SALL3: variants seen among roughly 807,000 people sequenced by gnomAD.
SALL3 encodes sal-like protein 3.
In SALL3, 25 loss-of-function variants were observed where a neutral mutation model predicts 66.2. The observed-to-expected ratio is 0.38, with a 90% CI of 0.28 to 0.53. The LOEUF is 0.53. Ranked by LOEUF, SALL3 falls within the 20% of genes least tolerant of loss-of-function variation. SALL3 has a pLI of 0.85. For synonymous variants in SALL3, 1,152 were observed against 899.1 expected (o/e 1.28, Z -5.03); for missense variants, 2,194 against 1,916.5 (o/e 1.14, Z -2.70).
intron 1 of SALL3, among the ~76,000 whole-genome samples, chr18:78,982,254 C>T (rs1355841834): frequency 5.9e-5 from 9 of 152,122 alleles, no homozygotes; most frequent in Admixed American, 5.9e-4. Context: ...ACTTTGAATC[C>T]CTCTTGTTGC....
Position 78,992,735 on chromosome 18 carries a change from G to C in SALL3, c.744G>C (p.Pro248=), listed in dbSNP as rs545749239. The change falls in exon 2 of 3, where the codon CCG becomes CCC. Residue 248 remains proline, a synonymous_variant. Transcript: ENST00000537592. The part of the protein sequence containing the change: ...PRPSLSPAAA[P]SAPGPAPSQL... ...CCTCACTCAGCCCCGCGGCCGCCCC[G>C]AGCGCACCGGGCCCGGCCCCCAGCC... 6 of 1,337,200 alleles carry C rather than the reference G, an allele frequency of 4.5e-6. No individual in the cohort carries two copies. In the African/African-American group the frequency reaches 4.8e-5, roughly 11 times the overall value. The allele number at this position is 1,337,200 out of a possible 1,614,324, so 82.8% of individuals were successfully genotyped here. A position where few individuals can be genotyped will look rare whatever the true frequency, so the allele number is the denominator to read the frequency against.
At position 78,993,170 on chromosome 18, in the gene SALL3, C is replaced by G; in HGVS notation, c.1179C>G (p.Leu393=). 1 of 1,609,140 alleles carries G rather than the reference C, an allele frequency of 6.2e-7. No individual in the cohort carries two copies. The highest frequency in any genetic ancestry group is 1.3e-5 in the African/African-American group (1 of 74,982). The part of the protein sequence containing the change: ...TANALDPLSA[L]MKHRKGKPPN... ...ACGCTCTGGACCCGCTGTCCGCGCT[C>G]ATGAAGCACCGCAAGGGCAAGCCGC... The change falls in exon 2 of 3, where the codon CTC becomes CTG. Residue 393 remains leucine (L), a synonymous_variant. Coordinates refer to ENST00000537592, the MANE Select transcript of SALL3 (RefSeq NM_171999.4).
chr18:78,995,291 C>T lies in SALL3; in HGVS notation c.3300C>T (p.Pro1100=), dbSNP rs1171512010. 1.3e-6 allele frequency: 2 copies of T among 1,579,590 alleles called. No individual in the cohort carries two copies. The highest frequency in any genetic ancestry group is 1.3e-5 in the African/African-American group (1 of 74,702). The change falls in exon 2 of 3, where the codon CCC becomes CCT. Residue 1100 remains proline (P), a synonymous_variant. Coordinates refer to ENST00000537592, the MANE Select transcript of SALL3 (RefSeq NM_171999.4). ...PQTVMGPGLA[P]MLAPPPRRTP... The stretch of plus-strand genomic sequence containing the variant: ...CAGTGATGGGCCCGGGCCTGGCGCC[C>T]ATGCTGGCCCCCCCACCGCGCCGGA...
intron 1 of SALL3, chr18:78,991,611 C>T (rs566354626): frequency 6.0e-4 from 95 of 159,560 alleles, no homozygotes; most frequent in Middle Eastern, 5.8e-3. Context: ...TGGTGGGGAC[C>T]ACACCGGCCA....
At chr18:78,995,581 A>T in intron 2 of SALL3, 119 bp downstream of exon 2, 4 of 1,416,994 alleles carry the variant, frequency 2.8e-6, no homozygotes, top group Non-Finnish European at 3.7e-6. Flanking sequence ...CAGGGGGGTG[A>T]GATGCCACGC....
rs1227703138 is a variant in SALL3 at position 78,998,660 on chromosome 18, CT to C, written c.*1339del. The C allele has an allele frequency of 6.6e-6, 1 of 152,252 alleles. No homozygotes were observed. The highest frequency in any genetic ancestry group is 1.5e-5 in the Non-Finnish European group (1 of 68,056). 9.4% of individuals were successfully genotyped at this position (152,252 alleles called of 1,614,324 possible). A position where few individuals can be genotyped will look rare whatever the true frequency, so the allele number is the denominator to read the frequency against. On this transcript the variant is annotated 3_prime_UTR_variant, in exon 3 of 3. Coordinates refer to ENST00000537592, the MANE Select transcript of SALL3 (RefSeq NM_171999.4). ...CACCCACAGACAAGATTGTGGCTGC[CT>C]GGTGGCACTGGTCACATGTACAGTA... is the stretch of plus-strand genomic sequence containing the variant.
At position 78,994,690 on chromosome 18, in the gene SALL3, C is replaced by T. The variant is rs747578805; in HGVS notation, c.2699C>T (p.Ser900Leu). ...SAGSPALSESSSSQALSPAPS... is the reference protein window; with the variant it reads ...SAGSPALSESLSSQALSPAPS... ...GGCAGCCCCGCCCTGTCCGAGTCCTCGTCCTCGCAGGCCCTGTCGCCGGCC... is the reference window on the plus strand; with the variant it reads ...GGCAGCCCCGCCCTGTCCGAGTCCTTGTCCTCGCAGGCCCTGTCGCCGGCC... The change falls in exon 2 of 3, where the codon TCG becomes TTG. Residue 900 changes from serine to leucine, a missense_variant. Physicochemically the swap from Ser to Leu is moderately radical, Grantham distance 145. Coordinates refer to ENST00000537592, the MANE Select transcript of SALL3 (RefSeq NM_171999.4). 45 of 1,607,194 alleles carry T rather than the reference C, an allele frequency of 2.8e-5. No homozygotes were observed. Among genetic ancestry groups the T allele is most frequent in the Non-Finnish European group, 3.2e-5 (38 of 1,179,470 alleles).
chr18:78,995,467 G>C lies in SALL3; in HGVS notation c.3471+5G>C, dbSNP rs1240172178. The C allele has an allele frequency of 1.9e-6, 3 of 1,538,846 alleles. No individual in the cohort carries two copies. Among genetic ancestry groups the C allele is most frequent in the African/African-American group, 2.7e-5 (2 of 73,258 alleles). On this transcript the variant is annotated splice_donor_5th_base_variant and intron_variant, in intron 2 of 2. Transcript: ENST00000537592. Reference sequence around the variant, plus strand: ...ACCACTAAGGGCAACCTCAAGGTAAGAGCATGGCAGGCTCCAGCCCCGGCT... The same window carrying C: ...ACCACTAAGGGCAACCTCAAGGTAACAGCATGGCAGGCTCCAGCCCCGGCT...
At chr18:78,996,484 A>G (rs1445350419) in intron 2 of SALL3, among the ~76,000 whole-genome samples, 1 of 152,202 alleles carries the variant, frequency 6.6e-6, no homozygotes, top group Non-Finnish European at 1.5e-5. Flanking sequence ...GGAGAGGGGC[A>G]CAGTCAGAGA....
Position 78,994,399 on chromosome 18 carries a change from A to G in SALL3, c.2408A>G (p.Asn803Ser), listed in dbSNP as rs1436954119. Reference protein sequence around the residue: ...LSSYDDDMDENSMEDDAELKD... With the variant: ...LSSYDDDMDESSMEDDAELKD... ...AGCTACGATGACGACATGGACGAGA[A>G]CTCCATGGAGGACGACGCTGAGCTG... Residue 803 changes from asparagine (N) to serine (S), a missense_variant, in exon 2 of 3, where the codon AAC becomes AGC. Coordinates refer to ENST00000537592, the MANE Select transcript of SALL3 (RefSeq NM_171999.4). 1.9e-6 allele frequency: 3 copies of G among 1,612,756 alleles called. No individual in the cohort carries two copies. Among genetic ancestry groups the G allele is most frequent in the East Asian group, 2.2e-5 (1 of 44,866 alleles).
rs746799403 is a variant in SALL3, at chr18:78,997,077, A to G, written c.3658A>G (p.Thr1220Ala). Residue 1220 changes from threonine (T) to alanine (A), a missense_variant, in exon 3 of 3, where the codon ACT (threonine) becomes GCT (alanine). Physicochemically the swap from Thr to Ala is moderately conservative, Grantham distance 58 (BLOSUM62 0). Transcript: ENST00000537592. ...TTGGAACCAGTATGCTGCAGCCATCACTAACGGGCTCGCCATGAAGAACAA... is the reference window on the plus strand; with the variant it reads ...TTGGAACCAGTATGCTGCAGCCATCGCTAACGGGCTCGCCATGAAGAACAA... ...SFWNQYAAAI[T>A]NGLAMKNNEI... is the part of the protein sequence containing the mutation. 2 of 1,614,086 alleles carry G rather than the reference A, an allele frequency of 1.2e-6. No homozygotes were observed. Among genetic ancestry groups the G allele is most frequent in the Non-Finnish European group, 1.7e-6 (2 of 1,180,026 alleles).
At position 78,997,469 on chromosome 18, in the gene SALL3, G is replaced by A. The variant is rs539349413; in HGVS notation, c.*147G>A. On this transcript the variant is annotated 3_prime_UTR_variant, in exon 3 of 3. Transcript: ENST00000537592. ...GCTGCCGAGAGGTGGTCTTGTAAGCGCTGCATGGCGCTCCCTTCAACAGCA... is the reference window on the plus strand; with the variant it reads ...GCTGCCGAGAGGTGGTCTTGTAAGCACTGCATGGCGCTCCCTTCAACAGCA... The A allele has an allele frequency of 1.0e-5, 7 of 702,628 alleles. No individual in the cohort carries two copies. Among genetic ancestry groups the A allele is most frequent in the South Asian group, 1.8e-5 (1 of 54,198 alleles). The allele number at this position is 702,628 out of a possible 1,614,324, so 43.5% of individuals were successfully genotyped here.
rs200018433 is a variant in SALL3, at chr18:78,994,827, G to A, written c.2836G>A (p.Gly946Ser). Residue 946 changes from glycine to serine, a missense_variant, in exon 2 of 3, where the codon GGC (glycine) becomes AGC (serine). By Grantham distance (56) the Gly-to-Ser change is moderately conservative. Coordinates refer to ENST00000537592, the MANE Select transcript of SALL3 (RefSeq NM_171999.4). ...GCCGGACAGCCCAGCCGCCGCCCCG[G>A]GCAGCGGAGGCGCCCCTGGCCGCGC... ...ERPDSPAAAP[G>S]SGGAPGRAGI... 666 of 1,596,176 alleles carry A rather than the reference G, an allele frequency of 4.2e-4. 4 individuals carry two copies. Among genetic ancestry groups the A allele is most frequent in the South Asian group, 2.1e-3 (192 of 89,662 alleles).
Position 78,993,949 on chromosome 18 carries a change from T to C in SALL3, c.1958T>C (p.Leu653Pro). The C allele has an allele frequency of 6.2e-7, 1 of 1,610,810 alleles. No individual in the cohort carries two copies. The highest frequency in any genetic ancestry group is 8.5e-7 in the Non-Finnish European group (1 of 1,178,992). Reference protein sequence around the residue: ...FKAQFPFGGLLDSMQTSETSK... With the variant: ...FKAQFPFGGLPDSMQTSETSK... ...GCCCAGTTTCCGTTCGGGGGGCTGCTAGACTCGATGCAAACGTCGGAAACC... is the reference window on the plus strand; with the variant it reads ...GCCCAGTTTCCGTTCGGGGGGCTGCCAGACTCGATGCAAACGTCGGAAACC... Residue 653 changes from leucine to proline, a missense_variant, in exon 2 of 3, where the codon CTA becomes CCA. Leu to Pro is a moderately conservative substitution (Grantham distance 98, BLOSUM62 -3). Coordinates refer to ENST00000537592, the MANE Select transcript of SALL3 (RefSeq NM_171999.4).
At chr18:78,989,928 C>T (rs1347157958) in intron 1 of SALL3, among the ~76,000 whole-genome samples, 1 of 152,108 alleles carries the variant, frequency 6.6e-6, no homozygotes, top group African/African-American at 2.4e-5. Context: ...TTCAGGGCTG[C>T]TGAAGAACAT....
chr18:78,983,841 G>A (rs1002822290), intron 1 of SALL3, among the ~76,000 whole-genome samples: 2 of 152,214 alleles, frequency 1.3e-5, no homozygotes, highest in African/African-American at 4.8e-5. Flanking sequence ...CGGGTTGGGT[G>A]AGGGGAGAGG....
chr18:78,993,073 C>G lies in SALL3; in HGVS notation c.1082C>G (p.Pro361Arg). ...LLGAAPGLPSPLLPQTSASGV... is the reference protein window; with the variant it reads ...LLGAAPGLPSRLLPQTSASGV... ...GGTGCGGCGCCCGGCCTGCCAAGTC[C>G]GCTTCTACCTCAGACTTCCGCCAGC... Residue 361 changes from proline (P) to arginine (R), a missense_variant, in exon 2 of 3, where the codon CCG becomes CGG. Coordinates refer to ENST00000537592, the MANE Select transcript of SALL3 (RefSeq NM_171999.4). The G allele has an allele frequency of 6.3e-7, 1 of 1,595,828 alleles. No homozygotes were observed. Among genetic ancestry groups the G allele is most frequent in the South Asian group, 1.1e-5 (1 of 89,296 alleles).
In SALL3 at chr18:78,994,252, TGCA is replaced by T; in HGVS notation, c.2268_2270del (p.Gln756del). Reference sequence around the variant, plus strand: ...AAGAAGTTCACCAACGCCGTGGTCCTGCAGCAGCACATCCGCATGCACATGGGC... The same window carrying T: ...AAGAAGTTCACCAACGCCGTGGTCCTGCAGCACATCCGCATGCACATGGGC... On this transcript the variant is annotated inframe_deletion, in exon 2 of 3. Transcript: ENST00000537592. The T allele has an allele frequency of 6.2e-7, 1 of 1,613,760 alleles. No individual in the cohort carries two copies. Among genetic ancestry groups the T allele is most frequent in the Non-Finnish European group, 8.5e-7 (1 of 1,179,998 alleles).
chr18:78,994,412 C>T lies in SALL3; in HGVS notation c.2421C>T (p.Asp807=), dbSNP rs745703020. The T allele has an allele frequency of 6.8e-6, 11 of 1,612,872 alleles. No individual in the cohort carries two copies. The highest frequency in any genetic ancestry group is 5.1e-6 in the Non-Finnish European group (6 of 1,179,982). Residue 807 remains aspartate, a synonymous_variant, in exon 2 of 3, where the codon GAC becomes GAT. Coordinates refer to ENST00000537592, the MANE Select transcript of SALL3 (RefSeq NM_171999.4). ...ACATGGACGAGAACTCCATGGAGGACGACGCTGAGCTGAAGGACGCGGCCA... is the reference window on the plus strand; with the variant it reads ...ACATGGACGAGAACTCCATGGAGGATGACGCTGAGCTGAAGGACGCGGCCA... ...DDDMDENSME[D]DAELKDAATD... is the part of the protein sequence containing the mutation.
Sources: gnomAD v4.1 joint callset for allele counts (sites outside exome capture counted in the v4.1 genomes callset) on GRCh38, gnomAD v4.1.1 for gene constraint, MANE v1.5 for transcripts, NCBI Gene and HGNC (gene_info 2026-07-23, HGNC 2026-07-21) for gene names.